CAP2: variants seen among roughly 807,000 people sequenced by gnomAD.
The protein encoded by CAP2 is adenylyl cyclase-associated protein 2.
CAP2 carries 24 observed loss-of-function variants against 57.7 expected under a neutral mutation model. The ratio of observed to expected loss-of-function variants is 0.42; its 90% CI spans 0.30 to 0.58. The LOEUF is 0.58. Among genes scored for constraint, CAP2 ranks in the 20% least tolerant of loss-of-function variants. The pLI is 0.22. For synonymous variants in CAP2, 194 were observed against 207.2 expected, an observed-to-expected ratio of 0.94 and a Z score of 0.55; for missense variants, 501 against 590.3, an observed-to-expected ratio of 0.85 and a Z score of 1.57.
In CAP2 at chr6:17,478,062, T is replaced by G. The variant is rs370933627; in HGVS notation, c.300+14989T>G. 2.0e-5 allele frequency among the ~76,000 whole-genome samples: 3 copies of G among 148,990 alleles called. No homozygotes were observed. In the East Asian group the frequency reaches 5.8e-4, roughly 29 times the overall value. On this transcript the variant is annotated intron_variant, in intron 4 of 12. Transcript: ENST00000229922. ...AATAATTATGTATAATATATAAAAT[T>G]TTATGTTGCTTGGGTCATAAACATT...
At chr6:17,457,831 C>T (rs1319227013) in intron 3 of CAP2, among the ~76,000 whole-genome samples, 3 of 152,214 alleles carry the variant, frequency 2.0e-5, no homozygotes, top group Admixed American at 6.5e-5. Context: ...GGCTAATGAT[C>T]ATGCTCATCT....
chr6:17,556,575 T>TA lies in CAP2; in HGVS notation c.*134dup, dbSNP rs1763320558. 3.1e-6 allele frequency: 2 copies of TA among 653,444 alleles called. No homozygotes were observed. 40.5% of individuals were successfully genotyped at this position (653,444 alleles called of 1,614,324 possible). A position where few individuals can be genotyped will look rare whatever the true frequency, so the allele number is the denominator to read the frequency against. On this transcript the variant is annotated 3_prime_UTR_variant, in exon 13 of 13. Transcript: ENST00000229922. ...GCCTCCAACGATTCTGTGCTATAGA[T>TA]ACAGCACTGTTTCTGGCACGCCTCG...
At chr6:17,408,386 G>A (rs985913774) in intron 1 of CAP2, among the ~76,000 whole-genome samples, 15 of 152,096 alleles carry the variant, frequency 9.9e-5, no homozygotes, top group Admixed American at 6.5e-5. Context: ...TCCTGGGAAC[G>A]AATAGAGCAA....
intron 11 of CAP2, among the ~76,000 whole-genome samples, chr6:17,549,933 T>G (rs1763132181): frequency 6.6e-6 from 1 of 152,194 alleles, no homozygotes; most frequent in South Asian, 2.1e-4. Flanking sequence ...CCAGCACGTG[T>G]GCCAAGGAGA....
chr6:17,421,363 CT>C (rs1185643611), intron 1 of CAP2, among the ~76,000 whole-genome samples, 191 bp from the exon 2 acceptor site: 2 of 152,172 alleles, frequency 1.3e-5, no homozygotes, highest in East Asian at 3.8e-4. Flanking sequence ...CCAAAAACCA[CT>C]TGTACCCACC....
intron 7 of CAP2, chr6:17,536,313 A>C: frequency 2.2e-6 from 1 of 456,694 alleles, no homozygotes; most frequent in South Asian, 1.5e-5. Flanking sequence ...GGGAACATCT[A>C]ATCAGTTTGA....
chr6:17,467,800 G>A (rs549348562), intron 4 of CAP2, among the ~76,000 whole-genome samples: 1 of 152,262 alleles, frequency 6.6e-6, no homozygotes, highest in South Asian at 2.1e-4. Context: ...TGGAATTACA[G>A]GCATGAGCCA....
At chr6:17,463,395 AG>A (rs765221868) in intron 4 of CAP2, among the ~76,000 whole-genome samples, 4 of 152,162 alleles carry the variant, frequency 2.6e-5, no homozygotes, top group Admixed American at 2.6e-4. Flanking sequence ...CCAGTTTAAA[AG>A]GTGAGTTGAC....
chr6:17,540,289 A>G (rs948912722), intron 8 of CAP2, among the ~76,000 whole-genome samples: 2 of 152,130 alleles, frequency 1.3e-5, no homozygotes, highest in African/African-American at 4.8e-5. Context: ...ATATCCTGAT[A>G]TATACTCACT....
chr6:17,550,512 A>G (rs1481496598), intron 11 of CAP2, among the ~76,000 whole-genome samples: 1 of 148,580 alleles, frequency 6.7e-6, no homozygotes, highest in African/African-American at 2.5e-5. Flanking sequence ...GACTCCCCAC[A>G]AGGAATTCTT....
chr6:17,524,046 A>G (rs985644966), intron 7 of CAP2, among the ~76,000 whole-genome samples: 2 of 147,600 alleles, frequency 1.4e-5, no homozygotes, highest in South Asian at 2.2e-4. Flanking sequence ...ACTGCACTCC[A>G]GCCTGGTGAC....
intron 1 of CAP2, among the ~76,000 whole-genome samples, chr6:17,415,732 G>C (rs1018349585): frequency 5.9e-5 from 9 of 152,196 alleles, no homozygotes; most frequent in Admixed American, 3.9e-4. Flanking sequence ...AGGAAAGAAA[G>C]CACAAGGCAG....
chr6:17,411,085 T>C (rs1227735396), intron 1 of CAP2, among the ~76,000 whole-genome samples: 1 of 152,226 alleles, frequency 6.6e-6, no homozygotes, highest in Non-Finnish European at 1.5e-5. Flanking sequence ...AGTGTAATGC[T>C]TTTGAAGTTC....
rs1481589082 is a variant in CAP2, at chr6:17,513,651, G to A, written c.531-198G>A. Among the ~76,000 whole-genome samples, 1 of 152,048 alleles carries A rather than the reference G, an allele frequency of 6.6e-6. No homozygotes were observed. The highest frequency in any genetic ancestry group is 1.5e-5 in the Non-Finnish European group (1 of 67,992). ...AGCTCAGGGCATCCGGCCACCTGCC[G>A]CCTCCCCTCAGGAGAGTACTGGGCC... is the stretch of plus-strand genomic sequence containing the variant. On this transcript the variant is annotated intron_variant, in intron 6 of 12. Transcript: ENST00000229922. The surrounding 1 kb of genome is among the most constrained non-coding windows in gnomAD (Gnocchi z 4.3).
At position 17,446,321 on chromosome 6, in the gene CAP2, A is replaced by G. The variant is rs912359599; in HGVS notation, c.223-16675A>G. 2.6e-5 allele frequency among the ~76,000 whole-genome samples: 4 copies of G among 152,218 alleles called. No homozygotes were observed. In the South Asian group the frequency reaches 8.3e-4, roughly 31 times the overall value. ...GTCAAAGACATAAATAGGGATTTCT[A>G]TGTGTATTTTCAGCTGACTTTGGGT... On this transcript the variant is annotated intron_variant, in intron 3 of 12. Transcript: ENST00000229922.
chr6:17,507,468 C>A (rs1171143988), intron 5 of CAP2, among the ~76,000 whole-genome samples, 156 bp downstream of exon 5: 4 of 152,232 alleles, frequency 2.6e-5, no homozygotes, highest in Non-Finnish European at 5.9e-5. Context: ...AAAGTTCAAG[C>A]TTTCTGTTCT....
intron 4 of CAP2, among the ~76,000 whole-genome samples, chr6:17,463,722 C>T (rs1167392972): frequency 6.6e-6 from 1 of 152,164 alleles, no homozygotes; most frequent in Non-Finnish European, 1.5e-5. Context: ...TGCTGATCCT[C>T]ATTCTCAAAA....
chr6:17,402,365 G>A (rs927044099), intron 1 of CAP2, among the ~76,000 whole-genome samples: 1 of 152,138 alleles, frequency 6.6e-6, no homozygotes, highest in African/African-American at 2.4e-5. Flanking sequence ...GGACAAAAAA[G>A]GGGGAAATTT....
chr6:17,543,930 G>C (rs1307070092), intron 11 of CAP2, among the ~76,000 whole-genome samples: 5 of 152,030 alleles, frequency 3.3e-5, no homozygotes, highest in Admixed American at 6.6e-5. Flanking sequence ...TTTGAGACCA[G>C]CCTAGCTAAC....
Sources: allele counts gnomAD v4.1 joint callset (sites outside exome capture counted in the v4.1 genomes callset), GRCh38; gene constraint gnomAD v4.1.1; non-coding constraint Gnocchi (gnomAD v3.1); transcripts MANE v1.5; gene names NCBI Gene and HGNC (gene_info 2026-07-23, HGNC 2026-07-21).